ANLN: variants seen among roughly 807,000 people sequenced by gnomAD.
The protein encoded by ANLN is anillin.
A neutral mutation model predicts 135.1 loss-of-function variants in ANLN; 59 were observed. The observed-to-expected ratio is 0.44, with a 90% confidence interval of 0.35 to 0.54. The LOEUF (loss-of-function observed/expected upper bound fraction) is 0.54, where lower values mean the gene tolerates loss of function less well. Ranked by LOEUF, ANLN falls within the 20% of genes least tolerant of loss-of-function variation. The probability of loss-of-function intolerance (pLI) is 0.00; values close to 1 mark genes in which losing one functional copy is unlikely to be tolerated. For synonymous variants in ANLN, 406 were observed against 456.4 expected (o/e 0.89, Z 1.41); for missense variants, 1,182 against 1,340.0 (o/e 0.88, Z 1.84).
rs564177605 is a variant in ANLN, at chr7:36,407,712, C to T, written c.874-22C>T. 1,784 of 1,544,328 alleles carry T rather than the reference C, an allele frequency of 1.2e-3. 31 individuals are homozygous for T. In the South Asian group the frequency reaches 0.019, roughly 16 times the overall value. On this transcript the variant is annotated intron_variant, in intron 4 of 23. Coordinates refer to ENST00000265748, the MANE Select transcript of ANLN (RefSeq NM_018685.5). ...TTTAGATATTGTGAATGTTGTTTAC[C>T]CTAAGTGTTTTCATGTTTCAGAAAG...
intron 15 of ANLN, 40 bp downstream of exon 15, chr7:36,423,983 CT>C: frequency 6.3e-7 from 1 of 1,591,774 alleles, no homozygotes; most frequent in South Asian, 1.1e-5. Context: ...ATGCATTTTT[CT>C]TTTTGTAGAG....
intron 20 of ANLN, among the ~76,000 whole-genome samples, chr7:36,435,274 A>G (rs1208535322): frequency 6.6e-6 from 1 of 152,196 alleles, no homozygotes; most frequent in African/African-American, 2.4e-5. Context: ...CACTACAGGC[A>G]ACCATTCTTC....
At chr7:36,427,619 G>T (rs1031140318) in intron 20 of ANLN, among the ~76,000 whole-genome samples, 2 of 152,166 alleles carry the variant, frequency 1.3e-5, no homozygotes, top group Non-Finnish European at 2.9e-5. Flanking sequence ...CTCCCAAAGT[G>T]CTGGGATTAT....
rs371211239 is a variant in ANLN, at chr7:36,406,418, G to T, written c.725G>T (p.Ser242Ile). Reference sequence around the variant, plus strand: ...TGTTTATCCAAATTTTCCTCTGCAAGTGGAGCATCTGCTAGGATCAATAGC... The same window carrying T: ...TGTTTATCCAAATTTTCCTCTGCAATTGGAGCATCTGCTAGGATCAATAGC... The part of the protein sequence containing the change: ...TACLSKFSSA[S>I]GASARINSSS... Residue 242 changes from serine to isoleucine, a missense_variant, in exon 4 of 24, where the codon AGT becomes ATT. Coordinates refer to ENST00000265748, the MANE Select transcript of ANLN (RefSeq NM_018685.5). 1 of 1,613,674 alleles carries T rather than the reference G, an allele frequency of 6.2e-7. No individual in the cohort carries two copies.
Position 36,391,747 on chromosome 7 carries a change from A to G in ANLN, c.18+1703A>G, listed in dbSNP as rs535078571. On this transcript the variant is annotated intron_variant, in intron 1 of 23. Transcript: ENST00000265748. ...GGAAAATTGAGAGACTATTTTCTCAATTCTCCCAAGGATAATTCAATGCCA... is the reference window on the plus strand; with the variant it reads ...GGAAAATTGAGAGACTATTTTCTCAGTTCTCCCAAGGATAATTCAATGCCA... 7.9e-5 allele frequency among the ~76,000 whole-genome samples: 12 copies of G among 152,336 alleles called. No homozygotes were observed. In the South Asian group the frequency reaches 1.2e-3, roughly 16 times the overall value.
At chr7:36,415,614 C>A in intron 7 of ANLN, 144 bp from the exon 8 acceptor site, 2 of 821,752 alleles carry the variant, frequency 2.4e-6, no homozygotes, top group Non-Finnish European at 1.8e-6. Context: ...CAAGGCTGGG[C>A]CTATTCACAT....
chr7:36,436,784 A>T (rs1210654827), intron 20 of ANLN, among the ~76,000 whole-genome samples: 1 of 152,186 alleles, frequency 6.6e-6, no homozygotes, highest in Non-Finnish European at 1.5e-5. Context: ...TGTCTATTCA[A>T]GTCCTTTGCC....
intron 21 of ANLN, among the ~76,000 whole-genome samples, chr7:36,441,224 C>T (rs199780739): frequency 4.6e-5 from 7 of 152,186 alleles, no homozygotes; most frequent in Non-Finnish European, 7.3e-5. Flanking sequence ...GGTCCATTTG[C>T]ATATAACGTC....
intron 23 of ANLN, 53 bp downstream of exon 23, chr7:36,449,890 A>G (rs1789174690): frequency 5.2e-6 from 8 of 1,546,218 alleles, no homozygotes; most frequent in African/African-American, 2.7e-5. Context: ...ATTGCCCACT[A>G]TGTACTTACC....
rs1787831591 is a variant in ANLN at position 36,420,501 on chromosome 7, T to G, written c.2016-96T>G. 2.4e-6 allele frequency: 3 copies of G among 1,273,546 alleles called. No individual in the cohort carries two copies. The Admixed American group carries it at 5.8e-5, about 25-fold the overall frequency. The allele number at this position is 1,273,546 out of a possible 1,614,324, so 78.9% of individuals were successfully genotyped here. ...TGTTGTGAAATGTTCTGCTGACATG[T>G]TCAATATCAGTGTCAAATTCTGCTG... On this transcript the variant is annotated intron_variant, in intron 11 of 23. Coordinates refer to ENST00000265748, the MANE Select transcript of ANLN (RefSeq NM_018685.5).
At position 36,397,878 on chromosome 7, in the gene ANLN, T is replaced by G. The variant is rs181378249; in HGVS notation, c.173-1201T>G. ...GTGAGCTGAGATTGCACCACTGCAT[T>G]CCATCCTGGGTGACAGAGTGAGGCC... On this transcript the variant is annotated intron_variant, in intron 2 of 23. Transcript: ENST00000265748. Among the ~76,000 whole-genome samples the G allele has an allele frequency of 6.2e-4, 95 of 152,174 alleles. No homozygotes were observed. The East Asian group carries it at 8.1e-3, about 13-fold the overall frequency.
Position 36,422,761 on chromosome 7 carries a change from C to T in ANLN, c.2428C>T (p.Arg810Cys), listed in dbSNP as rs144215679. 3.1e-4 allele frequency: 508 copies of T among 1,613,178 alleles called. 3 individuals are homozygous for T. The East Asian group carries it at 8.2e-3, about 26-fold the overall frequency. The change falls in exon 14 of 24, where the codon CGC becomes TGC. Residue 810 changes from arginine to cysteine, a missense_variant. Transcript: ENST00000265748. Reference sequence around the variant, plus strand: ...AGGATCAGTTACTTTGTCAGAAATCCGCTTGCCTCTAAAAGCAGATTTTGT... The same window carrying T: ...AGGATCAGTTACTTTGTCAGAAATCTGCTTGCCTCTAAAAGCAGATTTTGT... ...SKGSVTLSEI[R>C]LPLKADFVCS...
At chr7:36,416,326 T>G (rs1787641593) in intron 8 of ANLN, among the ~76,000 whole-genome samples, 2 of 152,208 alleles carry the variant, frequency 1.3e-5, no homozygotes, top group Admixed American at 1.3e-4. Flanking sequence ...GCCCAGGGTT[T>G]TCTACATGTA....
intron 20 of ANLN, among the ~76,000 whole-genome samples, chr7:36,435,000 G>C (rs561544369): frequency 6.6e-6 from 1 of 152,326 alleles, no homozygotes; most frequent in African/African-American, 2.4e-5. Flanking sequence ...GGGAGCTTTA[G>C]AGGGTGATGG....
At position 36,399,106 on chromosome 7, in the gene ANLN, C is replaced by CA. The variant is rs1232253883; in HGVS notation, c.207dup (p.Arg70ThrfsTer4). The CA allele has an allele frequency of 1.9e-6, 3 of 1,609,512 alleles. No homozygotes were observed. The highest frequency in any genetic ancestry group is 1.7e-6 in the Non-Finnish European group (2 of 1,177,472). ...AAATCTTGTACAAAACCATCGCCAT[C>CA]AAAAAAACGCTGTTCTGACAACACT... On this transcript the variant is annotated frameshift_variant, in exon 3 of 24. Coordinates refer to ENST00000265748, the MANE Select transcript of ANLN (RefSeq NM_018685.5). LOFTEE classifies it high-confidence loss of function.
Position 36,424,715 on chromosome 7 carries a change from TAAG to T in ANLN, c.2688_2690del (p.Lys898del), listed in dbSNP as rs773862560. The T allele has an allele frequency of 1.8e-5, 29 of 1,612,058 alleles. No homozygotes were observed. In the African/African-American group the frequency reaches 3.5e-4, roughly 19 times the overall value. On this transcript the variant is annotated inframe_deletion, in exon 17 of 24. Coordinates refer to ENST00000265748, the MANE Select transcript of ANLN (RefSeq NM_018685.5). Reference sequence around the variant, plus strand: ...AAAAGAAAGATCCCTCAGGCCTTGATAAGAAGAAAAAAACATCCAAGTCCAAGG... The same window carrying T: ...AAAAGAAAGATCCCTCAGGCCTTGATAAGAAAAAAACATCCAAGTCCAAGG...
At chr7:36,425,589 C>T (rs990712230) in intron 17 of ANLN, 113 bp from the exon 18 acceptor site, 29 of 756,078 alleles carry the variant, frequency 3.8e-5, no homozygotes, top group African/African-American at 3.6e-4. Context: ...CCACTGCTCC[C>T]GGCTAAGAAT....
intron 3 of ANLN, among the ~76,000 whole-genome samples, chr7:36,402,112 A>ATTTT (rs572615037): frequency 1.1e-5 from 1 of 89,716 alleles, no homozygotes; most frequent in South Asian, 3.1e-4. Context: ...CAATAAAGCT[A>ATTTT]TTTTTTTTTT....
intron 12 of ANLN, 89 bp from the exon 13 acceptor site, chr7:36,421,768 A>C: frequency 1.6e-6 from 2 of 1,249,776 alleles, no homozygotes; most frequent in Non-Finnish European, 2.2e-6. Context: ...TCTAGAAACT[A>C]TCCAATCAAG....
Sources: allele counts gnomAD v4.1 joint callset (sites outside exome capture counted in the v4.1 genomes callset), GRCh38; gene constraint gnomAD v4.1.1; transcripts MANE v1.5; gene names NCBI Gene and HGNC (gene_info 2026-07-23, HGNC 2026-07-21).